Variants in ANKRD26 observed in about 807,000 individuals in gnomAD.
ANKRD26 encodes ankyrin repeat domain 26.
A neutral mutation model predicts 208.7 loss-of-function variants in ANKRD26; 141 were observed. That is an observed-to-expected ratio of 0.68 (90% CI 0.59 to 0.78). The LOEUF (loss-of-function observed/expected upper bound fraction) is 0.78, where lower values mean the gene tolerates loss of function less well. ANKRD26 is among the 30% of genes least tolerant of loss of function. The pLI is 0.00. For missense variants in ANKRD26, 1,889 were observed against 1,938.7 expected (o/e 0.97, Z 0.48); for synonymous variants, 636 against 660.4 (o/e 0.96, Z 0.57).
chr10:26,976,929 A>C (rs1314122176), intron 5 of ANKRD26, among the ~76,000 whole-genome samples: 1 of 152,162 alleles, frequency 6.6e-6, no homozygotes. Flanking sequence ...GACTACGAAC[A>C]CACCTGCCCA....
intron 3 of ANKRD26, among the ~76,000 whole-genome samples, chr10:26,986,284 T>C (rs952655303): frequency 6.6e-6 from 1 of 152,178 alleles, no homozygotes; most frequent in African/African-American, 2.4e-5. Flanking sequence ...TAATCCAAGA[T>C]GGAATAAAGA....
At chr10:26,977,040 C>T (rs78478675) in intron 5 of ANKRD26, among the ~76,000 whole-genome samples, 2,802 of 152,076 alleles carry the variant, frequency 0.018, 160 homozygotes, top group East Asian at 0.17. Flanking sequence ...TCAAACCGTC[C>T]CCACCCCCGG....
intron 17 of ANKRD26, 63 bp downstream of exon 17, chr10:27,048,738 T>A (rs1220663036): frequency 6.6e-7 from 1 of 1,509,098 alleles, no homozygotes; most frequent in Non-Finnish European, 9.2e-7. Flanking sequence ...TGAATATTAG[T>A]CCAAATTAGA....
At chr10:26,974,282 A>G (rs2052191946) in exon 6 of ANKRD26, among the ~76,000 whole-genome samples, 1 of 151,586 alleles carries the variant, frequency 6.6e-6, no homozygotes, top group African/African-American at 2.4e-5. Flanking sequence ...AGATTTACCT[A>G]CATAATTACC....
chr10:26,983,660 C>T (rs2052341829), intron 3 of ANKRD26, among the ~76,000 whole-genome samples: 1 of 152,058 alleles, frequency 6.6e-6, no homozygotes, highest in Non-Finnish European at 1.5e-5. Flanking sequence ...TTTGCATTAC[C>T]CCATTTTGAA....
chr10:27,012,965 T>G lies in ANKRD26; in HGVS notation c.4870A>C (p.Lys1624Gln). The G allele has an allele frequency of 6.2e-7, 1 of 1,614,132 alleles. No homozygotes were observed. Among genetic ancestry groups the G allele is most frequent in the Non-Finnish European group, 8.5e-7 (1 of 1,179,996 alleles). The part of the protein sequence containing the change: ...NLNNSLDLNR[K>Q]LIPRENLVIS... ...ACTAAGTTTTCTCTTGGAATAAGTTTTCTGTTGAGATCTAAACTATTATTA... is the reference window on the plus strand; with the variant it reads ...ACTAAGTTTTCTCTTGGAATAAGTTGTCTGTTGAGATCTAAACTATTATTA... The change falls in exon 32 of 34, where the codon AAA becomes CAA. Residue 1624 changes from lysine to glutamine, a missense_variant. Physicochemically the swap from Lys to Gln is moderately conservative, Grantham distance 53. This residue lies in a region of ANKRD26 where 613 missense variants were observed against 648.2 expected (regional missense o/e 0.95). Transcript: ENST00000376087.
chr10:27,028,299 A>G (rs1422163651), intron 27 of ANKRD26, among the ~76,000 whole-genome samples: 5 of 152,152 alleles, frequency 3.3e-5, no homozygotes, highest in Admixed American at 2.0e-4. Context: ...ATTATTTTTA[A>G]AATATTCATA....
At chr10:27,086,806 C>T (rs1054507730) in intron 4 of ANKRD26, among the ~76,000 whole-genome samples, 197 bp from the exon 5 acceptor site, 3 of 115,314 alleles carry the variant, frequency 2.6e-5, no homozygotes, top group Non-Finnish European at 4.9e-5. Context: ...GAGTCTTACT[C>T]TGTCACCCAG....
At chr10:26,948,515 A>T in the ANKRD26 span, among the ~76,000 whole-genome samples, 1 of 152,240 alleles carries the variant, frequency 6.6e-6, no homozygotes, top group African/African-American at 2.4e-5. Context: ...CCACATTTTG[A>T]TGCCAATCCC....
chr10:26,954,176 G>A, the ANKRD26 span, among the ~76,000 whole-genome samples: 1 of 152,160 alleles, frequency 6.6e-6, no homozygotes, highest in East Asian at 1.9e-4. Context: ...GGTGAAATGT[G>A]GCCCATATTA....
the ANKRD26 span, among the ~76,000 whole-genome samples, chr10:26,949,489 ATAT>A: frequency 4.0e-5 from 6 of 151,886 alleles, no homozygotes; most frequent in Non-Finnish European, 5.9e-5. Context: ...TCTTATAGTT[ATAT>A]TAATTAATTT....
At chr10:26,971,187 C>G (rs2052136787), downstream of ANKRD26, among the ~76,000 whole-genome samples, 1 of 151,492 alleles carries the variant, frequency 6.6e-6, no homozygotes, top group Non-Finnish European at 1.5e-5. Flanking sequence ...AGTTTGAGAC[C>G]AACCTGGCCA....
intron 11 of ANKRD26, 35 bp downstream of exon 11, chr10:27,066,451 AT>A (rs768799585): frequency 8.7e-6 from 13 of 1,489,696 alleles, no homozygotes; most frequent in Non-Finnish European, 1.2e-5. Context: ...CTCAATGCTT[AT>A]ATTTTAAAAT....
intron 5 of ANKRD26, among the ~76,000 whole-genome samples, chr10:26,979,728 C>T (rs1726154558): frequency 6.6e-6 from 1 of 152,082 alleles, no homozygotes; most frequent in African/African-American, 2.4e-5. Context: ...TCAGAGCACC[C>T]CTAGTCTTCC....
At chr10:27,037,747 C>G (rs2054090809) in intron 22 of ANKRD26, 124 bp downstream of exon 22, 2 of 785,548 alleles carry the variant, frequency 2.5e-6, no homozygotes, top group East Asian at 5.4e-5. Context: ...TTATAAAGGT[C>G]ACAGGTCAGC....
intron 32 of ANKRD26, among the ~76,000 whole-genome samples, chr10:27,011,221 CTATT>C (rs1217262732): frequency 2.2e-4 from 34 of 152,274 alleles, no homozygotes; most frequent in East Asian, 9.6e-4. Context: ...AAACTAGTTG[CTATT>C]TATTTATTTT....
chr10:27,021,375 A>G (rs2053482146), intron 29 of ANKRD26, among the ~76,000 whole-genome samples: 2 of 152,206 alleles, frequency 1.3e-5, no homozygotes, highest in South Asian at 2.1e-4. Context: ...ATTGTTTTTT[A>G]TAATGGCTGT....
exon 6 of ANKRD26, among the ~76,000 whole-genome samples, chr10:26,974,478 C>T (rs1589158147): frequency 6.6e-6 from 1 of 151,980 alleles, no homozygotes; most frequent in East Asian, 1.9e-4. Flanking sequence ...GTAGCTGGGA[C>T]TACAGGCACC....
intron 5 of ANKRD26, among the ~76,000 whole-genome samples, chr10:26,979,040 G>C (rs1480889505): frequency 6.6e-6 from 1 of 152,132 alleles, no homozygotes; most frequent in Non-Finnish European, 1.5e-5. Context: ...GCCTAACACA[G>C]TGAAACCCCA....
Sources: allele counts gnomAD v4.1 joint callset (sites outside exome capture counted in the v4.1 genomes callset), GRCh38; gene constraint gnomAD v4.1.1; regional missense constraint gnomAD v4.1.1; transcripts MANE v1.5; gene names NCBI Gene and HGNC (gene_info 2026-07-23, HGNC 2026-07-21).